Variants in DPYSL3 observed in about 807,000 individuals in gnomAD.
DPYSL3 encodes the protein dihydropyrimidinase-related protein 3.
Under a neutral mutation model 66.1 loss-of-function variants are expected in DPYSL3, and 16 were observed. The observed-to-expected ratio is 0.24, with a 90% confidence interval of 0.16 to 0.37. DPYSL3 has a LOEUF of 0.37. Ranked by LOEUF, DPYSL3 falls within the 10% of genes least tolerant of loss-of-function variation. DPYSL3 has a pLI of 1.00. For synonymous variants in DPYSL3, 338 were observed against 345.1 expected, an observed-to-expected ratio of 0.98 and a Z score of 0.23; for missense variants, 738 against 916.2, an observed-to-expected ratio of 0.81 and a Z score of 2.51.
At chr5:147,430,654 A>G (rs1313362772) in intron 1 of DPYSL3, among the ~76,000 whole-genome samples, 1 of 152,200 alleles carries the variant, frequency 6.6e-6, no homozygotes, top group Non-Finnish European at 1.5e-5. Flanking sequence ...GACAGATGCA[A>G]AGTAAAATAG....
At chr5:147,507,065 A>G (rs1753692555) in intron 1 of DPYSL3, among the ~76,000 whole-genome samples, 1 of 152,152 alleles carries the variant, frequency 6.6e-6, no homozygotes, top group Admixed American at 6.5e-5. Context: ...TGGAGCCTCC[A>G]TCAAGTTAGG....
chr5:147,424,834 G>T, intron 2 of DPYSL3, 41 bp downstream of exon 2: 1 of 1,414,892 alleles, frequency 7.1e-7, no homozygotes, highest in Non-Finnish European at 9.8e-7. Context: ...TAATGAAGGA[G>T]GAAGTGCAAA....
At chr5:147,435,906 T>C (rs1230710650) in intron 1 of DPYSL3, among the ~76,000 whole-genome samples, 1 of 152,138 alleles carries the variant, frequency 6.6e-6, no homozygotes, top group Non-Finnish European at 1.5e-5. Context: ...CAGGGAGCCA[T>C]TGCCAAGGCC....
At chr5:147,408,529 G>A (rs1751768791) in intron 7 of DPYSL3, among the ~76,000 whole-genome samples, 199 bp downstream of exon 7, 1 of 152,192 alleles carries the variant, frequency 6.6e-6, no homozygotes, top group African/African-American at 2.4e-5. Context: ...TGTGTTATCT[G>A]TAGGGAGATT....
chr5:147,459,200 C>A (rs1752897888), intron 1 of DPYSL3, among the ~76,000 whole-genome samples: 1 of 151,740 alleles, frequency 6.6e-6, no homozygotes, highest in Non-Finnish European at 1.5e-5. Flanking sequence ...CTAGTTTTGA[C>A]CATTAAAAAT....
At chr5:147,480,206 T>C (rs1052946983) in intron 1 of DPYSL3, among the ~76,000 whole-genome samples, 2 of 152,214 alleles carry the variant, frequency 1.3e-5, no homozygotes, top group African/African-American at 2.4e-5. Context: ...ATCACTCCTG[T>C]AGCGGCAGTC....
chr5:147,489,689 T>C (rs1370385756), intron 1 of DPYSL3, among the ~76,000 whole-genome samples: 1 of 152,016 alleles, frequency 6.6e-6, no homozygotes, highest in Non-Finnish European at 1.5e-5. Context: ...TTCTGTTCTG[T>C]TAGTTAGATC....
intron 1 of DPYSL3, among the ~76,000 whole-genome samples, chr5:147,469,392 T>C (rs1171577853): frequency 6.6e-6 from 1 of 152,236 alleles, no homozygotes; most frequent in Non-Finnish European, 1.5e-5. Context: ...CTAGCTCTGC[T>C]GTAGCAACTG....
intron 1 of DPYSL3, among the ~76,000 whole-genome samples, chr5:147,438,113 C>G (rs184853953): frequency 1.3e-5 from 2 of 152,150 alleles, no homozygotes; most frequent in East Asian, 3.9e-4. Flanking sequence ...TTTTCTGGTT[C>G]CTTCTTGACA....
chr5:147,432,596 A>G (rs1219569629), intron 1 of DPYSL3, among the ~76,000 whole-genome samples: 2 of 152,186 alleles, frequency 1.3e-5, no homozygotes, highest in African/African-American at 4.8e-5. Flanking sequence ...ACACGCCAGA[A>G]GCAAGAGAAT....
intron 1 of DPYSL3, among the ~76,000 whole-genome samples, chr5:147,437,665 C>G (rs148665175): frequency 3.3e-5 from 5 of 152,264 alleles, no homozygotes; most frequent in African/African-American, 1.2e-4. Flanking sequence ...GCCTTGTAGT[C>G]CAGACCTCAA....
intron 8 of DPYSL3, among the ~76,000 whole-genome samples, chr5:147,404,740 G>C (rs1000932639): frequency 2.0e-5 from 3 of 152,234 alleles, no homozygotes; most frequent in Non-Finnish European, 4.4e-5. Context: ...AACACCAGTG[G>C]AGAAAAGAAG....
chr5:147,453,654 T>G, intron 1 of DPYSL3: 3 of 1,496,548 alleles, frequency 2.0e-6, no homozygotes, highest in Non-Finnish European at 2.7e-6. Flanking sequence ...GCCCGCGCCT[T>G]CCTCAGCGCA....
chr5:147,509,541 G>C lies in DPYSL3; in HGVS notation c.318C>G (p.Ala106=), dbSNP rs1404353299. ...CGGTGGCGCTCCGGATCTCTACCCC[G>C]GCGGGGGCGGGGGAGGCGGGCGCGG... ...REPAPASPAP[A]GVEIRSATGK... is the part of the protein sequence containing the mutation. The change falls in exon 1 of 14, where the codon GCC becomes GCG. Residue 106 remains alanine, a synonymous_variant. Transcript: ENST00000343218. This position sits in a 1 kb window ranked among gnomAD's most constrained non-coding sequence, Gnocchi z 5.3. The C allele has an allele frequency of 5.2e-6, 8 of 1,534,694 alleles. No individual in the cohort carries two copies. In the East Asian group the frequency reaches 2.0e-4, roughly 38 times the overall value.
intron 1 of DPYSL3, among the ~76,000 whole-genome samples, chr5:147,451,085 G>A: frequency 6.6e-6 from 1 of 152,124 alleles, no homozygotes; most frequent in African/African-American, 2.4e-5. Flanking sequence ...CTATAGACAT[G>A]CAAACATACA....
At chr5:147,406,295 T>A (rs1417058054) in intron 7 of DPYSL3, 4 of 152,274 alleles carry the variant, frequency 2.6e-5, no homozygotes, top group African/African-American at 7.2e-5. Context: ...GTAGAATTCA[T>A]GTTTTCAAAT....
chr5:147,453,640 G>A lies in DPYSL3; in HGVS notation c.382-28677C>T, dbSNP rs192761790. The A allele has an allele frequency of 2.1e-3, 3,117 of 1,509,248 alleles. 45 individuals are homozygous for A. The African/African-American group carries it at 0.037, about 18-fold the overall frequency. 93.5% of individuals were successfully genotyped at this position (1,509,248 alleles called of 1,614,324 possible). A position where few individuals can be genotyped will look rare whatever the true frequency, so the allele number is the denominator to read the frequency against. On this transcript the variant is annotated intron_variant, in intron 1 of 13. Transcript: ENST00000343218. ...CTCCCTCCCTCCTTCTTCTGCTCCGGCTCGCCCGCGCCTTCCTCAGCGCAC... is the reference window on the plus strand; with the variant it reads ...CTCCCTCCCTCCTTCTTCTGCTCCGACTCGCCCGCGCCTTCCTCAGCGCAC...
At chr5:147,505,130 A>G (rs1384575051) in intron 1 of DPYSL3, among the ~76,000 whole-genome samples, 1 of 152,244 alleles carries the variant, frequency 6.6e-6, no homozygotes, top group African/African-American at 2.4e-5. Flanking sequence ...ATGAATGCCT[A>G]TTATGAGAAA....
At chr5:147,452,292 C>G (rs1202084626) in intron 1 of DPYSL3, among the ~76,000 whole-genome samples, 1 of 152,144 alleles carries the variant, frequency 6.6e-6, no homozygotes, top group Admixed American at 6.5e-5. Flanking sequence ...CAGACTCATG[C>G]CCACAACAAA....
Sources: gnomAD v4.1 joint callset for allele counts (sites outside exome capture counted in the v4.1 genomes callset) on GRCh38, gnomAD v4.1.1 for gene constraint, Gnocchi (gnomAD v3.1) non-coding constraint, MANE v1.5 for transcripts, NCBI Gene and HGNC (gene_info 2026-07-23, HGNC 2026-07-21) for gene names.